PTPRD: variants seen among roughly 807,000 people sequenced by gnomAD.
The protein encoded by PTPRD is receptor-type tyrosine-protein phosphatase delta.
PTPRD carries 34 observed loss-of-function variants against 214.5 expected under a neutral mutation model. The observed-to-expected ratio is 0.16, with a 90% CI of 0.12 to 0.21. The LOEUF is 0.21. Among genes scored for constraint, PTPRD ranks in the 10% least tolerant of loss-of-function variants. The probability of loss-of-function intolerance (pLI) is 1.00; values close to 1 mark genes in which losing one functional copy is unlikely to be tolerated. For synonymous variants in PTPRD, 1,128 were observed against 845.7 expected, an observed-to-expected ratio of 1.33 and a Z score of -5.79; for missense variants, 2,545 against 2,398.7, an observed-to-expected ratio of 1.06 and a Z score of -1.27.
At chr9:8,490,426 C>G (rs1230904752) in intron 27 of PTPRD, among the ~76,000 whole-genome samples, 2 of 152,154 alleles carry the variant, frequency 1.3e-5, no homozygotes, top group African/African-American at 4.8e-5. Flanking sequence ...CCAATTTAAA[C>G]TAGTACCAAC....
chr9:10,090,795 C>A (rs143616142), intron 3 of PTPRD, among the ~76,000 whole-genome samples: 3 of 147,464 alleles, frequency 2.0e-5, no homozygotes, highest in Non-Finnish European at 4.5e-5. Flanking sequence ...ATATTTTGAT[C>A]GGCAGCATTT....
chr9:9,668,573 C>T (rs903135303), intron 7 of PTPRD, among the ~76,000 whole-genome samples: 2 of 152,004 alleles, frequency 1.3e-5, no homozygotes, highest in African/African-American at 4.8e-5. Flanking sequence ...TAACTCTTAA[C>T]TTCTTTGCTC....
rs781230510 is a variant in PTPRD at position 8,314,993 on chromosome 9, AT to A, written c.*2880del. On this transcript the variant is annotated 3_prime_UTR_variant, in exon 46 of 46. Transcript: ENST00000381196. ...TACAAATCACTTTTTATATATTTTG[AT>A]TTTTTTTACCATTGTAACTAATTAC... 226 of 232,170 alleles carry A rather than the reference AT, an allele frequency of 9.7e-4. No individual in the cohort carries two copies. Among genetic ancestry groups the A allele is most frequent in the Middle Eastern group, 2.6e-3 (2 of 782 alleles). The allele number at this position is 232,170 out of a possible 1,614,324, so 14.4% of individuals were successfully genotyped here. A position where few individuals can be genotyped will look rare whatever the true frequency, so the allele number is the denominator to read the frequency against.
At chr9:9,452,384 C>G (rs114892931) in intron 8 of PTPRD, among the ~76,000 whole-genome samples, 2,895 of 151,274 alleles carry the variant, frequency 0.019, 89 homozygotes, top group African/African-American at 0.066. Context: ...AAATTTAAAT[C>G]AAAATAAATC....
intron 8 of PTPRD, among the ~76,000 whole-genome samples, chr9:9,513,894 G>A (rs2096771916): frequency 6.6e-6 from 1 of 152,062 alleles, no homozygotes; most frequent in Non-Finnish European, 1.5e-5. Flanking sequence ...GTGGATAAAT[G>A]TTGATGGCAG....
chr9:10,185,234 A>C (rs1238909111), intron 3 of PTPRD, among the ~76,000 whole-genome samples: 1 of 152,180 alleles, frequency 6.6e-6, no homozygotes, highest in Non-Finnish European at 1.5e-5. Context: ...TACTACATTT[A>C]ATGAGAGTAC....
At chr9:8,474,861 T>G (rs1436867313) in intron 30 of PTPRD, among the ~76,000 whole-genome samples, 2 of 151,950 alleles carry the variant, frequency 1.3e-5, no homozygotes, top group African/African-American at 4.9e-5. Context: ...GGCCCTACTT[T>G]TGAAGGCCAT....
chr9:10,034,253 G>T (rs11793449), intron 3 of PTPRD, among the ~76,000 whole-genome samples: 54,993 of 151,734 alleles, frequency 0.36, 10,624 homozygotes, highest in East Asian at 0.62. Flanking sequence ...AATTCACAAA[G>T]AAAGTTAAAA....
chr9:8,701,502 G>A (rs1177256144), intron 12 of PTPRD: 2 of 152,178 alleles, frequency 1.3e-5, no homozygotes, highest in Non-Finnish European at 2.9e-5. Flanking sequence ...CGGGCGTGGT[G>A]GCACATGCCT....
At chr9:9,065,043 C>T (rs185901292) in intron 10 of PTPRD, among the ~76,000 whole-genome samples, 1 of 152,250 alleles carries the variant, frequency 6.6e-6, no homozygotes, top group East Asian at 1.9e-4. Flanking sequence ...CAAATATCCA[C>T]TGAGTATTTA....
At chr9:8,628,008 C>T (rs1239426671) in intron 14 of PTPRD, among the ~76,000 whole-genome samples, 1 of 151,858 alleles carries the variant, frequency 6.6e-6, no homozygotes, top group African/African-American at 2.4e-5. Context: ...TTCAAGTAAT[C>T]TTCAGTCAGT....
At chr9:8,670,246 T>A (rs541552722) in intron 12 of PTPRD, among the ~76,000 whole-genome samples, 20 of 152,306 alleles carry the variant, frequency 1.3e-4, no homozygotes, top group African/African-American at 4.6e-4. Context: ...ATTAGATATT[T>A]AGACTTGTTC....
chr9:9,629,238 G>GTATA (rs113482595), intron 7 of PTPRD, among the ~76,000 whole-genome samples: 3,333 of 140,362 alleles, frequency 0.024, 55 homozygotes, highest in East Asian at 0.051. Context: ...GTGTGTGTGT[G>GTATA]TATATATATA....
intron 11 of PTPRD, among the ~76,000 whole-genome samples, chr9:8,890,318 T>C: frequency 6.6e-6 from 1 of 152,222 alleles, no homozygotes; most frequent in Non-Finnish European, 1.5e-5. Context: ...TTTCCAGGCT[T>C]AATGTGCTAG....
At chr9:8,818,831 T>G (rs2096978660) in intron 11 of PTPRD, among the ~76,000 whole-genome samples, 1 of 152,256 alleles carries the variant, frequency 6.6e-6, no homozygotes, top group South Asian at 2.1e-4. Context: ...ATTTTTGATA[T>G]CAACATAAAT....
At chr9:8,424,711 G>C (rs1390242548) in intron 35 of PTPRD, among the ~76,000 whole-genome samples, 1 of 151,980 alleles carries the variant, frequency 6.6e-6, no homozygotes. Context: ...AAGAGGAAGA[G>C]AAGGGGAATA....
At chr9:10,057,856 A>C (rs2097687002) in intron 3 of PTPRD, among the ~76,000 whole-genome samples, 1 of 141,370 alleles carries the variant, frequency 7.1e-6, no homozygotes, top group Non-Finnish European at 1.5e-5. Flanking sequence ...AAAAACAAAA[A>C]AAAAACAAAA....
chr9:9,376,158 G>A (rs2060741231), intron 9 of PTPRD, among the ~76,000 whole-genome samples: 2 of 151,956 alleles, frequency 1.3e-5, no homozygotes, highest in Non-Finnish European at 2.9e-5. Flanking sequence ...AAAAACCATT[G>A]AATAATTTGT....
intron 3 of PTPRD, among the ~76,000 whole-genome samples, chr9:10,063,275 T>C (rs1379948235): frequency 1.3e-5 from 2 of 152,102 alleles, no homozygotes; most frequent in African/African-American, 4.8e-5. Context: ...GTTATAAAAC[T>C]GAATCTGTCA....
Sources: allele counts gnomAD v4.1 joint callset (sites outside exome capture counted in the v4.1 genomes callset), GRCh38; gene constraint gnomAD v4.1.1; transcripts MANE v1.5; gene names NCBI Gene and HGNC (gene_info 2026-07-23, HGNC 2026-07-21).